Variants in SLF1 observed in about 807,000 individuals in gnomAD.
The protein encoded by SLF1 is SMC5-SMC6 complex localization factor protein 1.
Under a neutral mutation model 123.0 loss-of-function variants are expected in SLF1, and 105 were observed. The observed-to-expected ratio is 0.85, with a 90% CI of 0.73 to 1.00. The LOEUF (loss-of-function observed/expected upper bound fraction) is 1.00, where lower values mean the gene tolerates loss of function less well. Ranked by LOEUF, SLF1 falls within the 50% of genes least tolerant of loss-of-function variation. SLF1 has a pLI of 0.00. For synonymous variants in SLF1, 434 were observed against 406.6 expected, an observed-to-expected ratio of 1.07 and a Z score of -0.81; for missense variants, 1,239 against 1,223.0, an observed-to-expected ratio of 1.01 and a Z score of -0.20.
At chr5:94,668,443 C>A (rs138099007) in intron 12 of SLF1, among the ~76,000 whole-genome samples, 1 of 152,268 alleles carries the variant, frequency 6.6e-6, no homozygotes. Context: ...AAGCGATTCT[C>A]CTGCCTCAGC....
At chr5:94,652,577 T>C (rs1478614668) in intron 7 of SLF1, among the ~76,000 whole-genome samples, 1 of 152,216 alleles carries the variant, frequency 6.6e-6, no homozygotes, top group African/African-American at 2.4e-5. Flanking sequence ...GATAAGCCTT[T>C]GGGCTTCTTT....
intron 4 of SLF1, among the ~76,000 whole-genome samples, chr5:94,632,978 C>A (rs562605395): frequency 6.7e-6 from 1 of 149,348 alleles, no homozygotes; most frequent in African/African-American, 2.5e-5. Flanking sequence ...CTTGAGCCAC[C>A]GCGCCCGACC....
intron 17 of SLF1, among the ~76,000 whole-genome samples, chr5:94,688,895 G>A (rs1298640533): frequency 6.6e-6 from 1 of 152,150 alleles, no homozygotes; most frequent in Admixed American, 6.6e-5. Flanking sequence ...AATTATTGAT[G>A]AATTATTGAT....
intron 4 of SLF1, among the ~76,000 whole-genome samples, chr5:94,638,488 G>A (rs1462545798): frequency 6.6e-6 from 1 of 152,030 alleles, no homozygotes; most frequent in Non-Finnish European, 1.5e-5. Flanking sequence ...TCCTTGCTTT[G>A]TTTCTATCTG....
chr5:94,660,908 C>T (rs761455371), intron 9 of SLF1, among the ~76,000 whole-genome samples: 4 of 152,162 alleles, frequency 2.6e-5, no homozygotes, highest in Non-Finnish European at 4.4e-5. Context: ...ACCTCCTACT[C>T]CTTAGGATGT....
rs1422557128 is a variant in SLF1 at position 94,689,602 on chromosome 5, A to G, written c.2415A>G (p.Leu805=). 1 of 1,606,402 alleles carries G rather than the reference A, an allele frequency of 6.2e-7. No homozygotes were observed. Among genetic ancestry groups the G allele is most frequent in the Non-Finnish European group, 8.5e-7 (1 of 1,175,020 alleles). Residue 805 remains leucine (L), a synonymous_variant, in exon 18 of 21, where the codon CTA becomes CTG. Transcript: ENST00000265140. ...VKKMNFHKTN[L]KGETALHRAC... is the part of the protein sequence containing the mutation. ...AGATGAATTTTCACAAGACTAATCT[A>G]AAAGGTATTCCAAGTATTTAAATTA...
At position 94,646,295 on chromosome 5, in the gene SLF1, C is replaced by T. The variant is rs1337566252; in HGVS notation, c.594+2860C>T. Among the ~76,000 whole-genome samples, 17 of 152,036 alleles carry T rather than the reference C, an allele frequency of 1.1e-4. 1 individual carries two copies. The highest frequency in any genetic ancestry group is 4.4e-5 in the Non-Finnish European group (3 of 68,004). ...TATTTTTTAAAAAAGTTTTGTTTAA[C>T]CCTCTTATACTTTTTGAAAAGCTTC... is the stretch of plus-strand genomic sequence containing the variant. On this transcript the variant is annotated intron_variant, in intron 5 of 20. Coordinates refer to ENST00000265140, the MANE Select transcript of SLF1 (RefSeq NM_032290.4).
At chr5:94,630,239 GTAAT>G (rs1745055864) in intron 3 of SLF1, among the ~76,000 whole-genome samples, 1 of 152,110 alleles carries the variant, frequency 6.6e-6, no homozygotes, top group Middle Eastern at 3.4e-3. Context: ...AAATGAAACT[GTAAT>G]TATAACTAAG....
At chr5:94,666,070 GT>G (rs1343306279) in intron 12 of SLF1, 46 bp downstream of exon 12, 1 of 1,444,144 alleles carries the variant, frequency 6.9e-7, no homozygotes, top group Non-Finnish European at 9.2e-7. Flanking sequence ...TTGAGTAGTT[GT>G]TATGCTAATT....
rs184950508 is a variant in SLF1 at position 94,689,846 on chromosome 5, G to A, written c.2419+240G>A. Among the ~76,000 whole-genome samples, 49 of 152,230 alleles carry A rather than the reference G, an allele frequency of 3.2e-4. No individual in the cohort carries two copies. The East Asian group carries it at 7.3e-3, about 23-fold the overall frequency. On this transcript the variant is annotated intron_variant, in intron 18 of 20. Coordinates refer to ENST00000265140, the MANE Select transcript of SLF1 (RefSeq NM_032290.4). The stretch of plus-strand genomic sequence containing the variant: ...TTTTTTTCCTCTCCCTGCCATTACA[G>A]ATATGAAACACAGTGTAGCATTCAT...
At chr5:94,626,388 G>T (rs923955156) in intron 1 of SLF1, among the ~76,000 whole-genome samples, 1 of 151,988 alleles carries the variant, frequency 6.6e-6, no homozygotes, top group Non-Finnish European at 1.5e-5. Flanking sequence ...CCTATTATGT[G>T]CACTTAAAAA....
At chr5:94,623,598 T>C (rs1791984778) in intron 1 of SLF1, among the ~76,000 whole-genome samples, 1 of 152,052 alleles carries the variant, frequency 6.6e-6, no homozygotes, top group African/African-American at 2.4e-5. Flanking sequence ...TAACCACTGG[T>C]ACAATTATAT....
chr5:94,674,464 T>C (rs115055017), intron 14 of SLF1, among the ~76,000 whole-genome samples: 3,493 of 152,352 alleles, frequency 0.023, 57 homozygotes, highest in Non-Finnish European at 0.037. Context: ...ATTGCTTAAA[T>C]TGATATAAAA....
chr5:94,633,091 A>G (rs956994479), intron 4 of SLF1, among the ~76,000 whole-genome samples: 5 of 151,564 alleles, frequency 3.3e-5, no homozygotes, highest in South Asian at 2.1e-4. Flanking sequence ...CCTGGGTTCA[A>G]ACAATTCTGC....
Position 94,688,686 on chromosome 5 carries a change from T to C in SLF1, c.2285+17T>C. ...AGAGTTACTGTAAGTGATGCTGATA[T>C]CCCAGCTGTGCTTTGTTTTGGAGTA... On this transcript the variant is annotated intron_variant, in intron 17 of 20. Transcript: ENST00000265140. 6.2e-7 allele frequency: 1 copy of C among 1,613,096 alleles called. No homozygotes were observed. Among genetic ancestry groups the C allele is most frequent in the Non-Finnish European group, 8.5e-7 (1 of 1,179,364 alleles).
At chr5:94,640,904 G>A (rs1746364990) in intron 4 of SLF1, among the ~76,000 whole-genome samples, 1 of 152,024 alleles carries the variant, frequency 6.6e-6, no homozygotes, top group Non-Finnish European at 1.5e-5. Flanking sequence ...TGTTAAAGTT[G>A]TTTTCTGATA....
chr5:94,671,650 ATT>A, intron 14 of SLF1, among the ~76,000 whole-genome samples: 1 of 132,658 alleles, frequency 7.5e-6, no homozygotes, highest in African/African-American at 2.7e-5. Flanking sequence ...TTTTCTTTTA[ATT>A]TTTTTTTTTT....
chr5:94,682,481 T>A (rs1048760252), intron 15 of SLF1, among the ~76,000 whole-genome samples: 2 of 152,234 alleles, frequency 1.3e-5, no homozygotes, highest in Admixed American at 6.5e-5. Context: ...GTTGAAGATA[T>A]CGGTCCATCT....
chr5:94,686,713 A>T lies in SLF1; in HGVS notation c.2116A>T (p.Lys706Ter). ...TTCTTCTGAGCCACTCTCTCTTCAG[A>T]AAATGGTAAGTACCTCTCTATTCTG... is the stretch of plus-strand genomic sequence containing the variant. Reference protein sequence around the residue: ...SVSSEPLSLQKMVYSYLPALG... With the variant: ...SVSSEPLSLQ Residue 706 changes from lysine (K) to a stop codon, truncating the protein, a stop_gained, in exon 16 of 21, where the codon AAA (lysine) becomes TAA (stop). Coordinates refer to ENST00000265140, the MANE Select transcript of SLF1 (RefSeq NM_032290.4). LOFTEE classifies it high-confidence loss of function. 1 of 1,613,698 alleles carries T rather than the reference A, an allele frequency of 6.2e-7. No homozygotes were observed. Among genetic ancestry groups the T allele is most frequent in the African/African-American group, 1.3e-5 (1 of 75,028 alleles).
Sources: allele counts gnomAD v4.1 joint callset (sites outside exome capture counted in the v4.1 genomes callset), GRCh38; gene constraint gnomAD v4.1.1; transcripts MANE v1.5; gene names NCBI Gene and HGNC (gene_info 2026-07-23, HGNC 2026-07-21).